XRN1: variants seen among roughly 807,000 people sequenced by gnomAD.
The protein encoded by XRN1 is strand-exchange protein 1 homolog.
Under a neutral mutation model 222.3 loss-of-function variants are expected in XRN1, and 67 were observed. That is an observed-to-expected ratio of 0.30 (90% CI 0.25 to 0.37). XRN1 has a LOEUF of 0.37. Among genes scored for constraint, XRN1 ranks in the 10% least tolerant of loss-of-function variants. The pLI is 1.00. For missense variants in XRN1, 1,707 were observed against 2,000.2 expected, an observed-to-expected ratio of 0.85 and a Z score of 2.80; for synonymous variants, 643 against 652.4, an observed-to-expected ratio of 0.99 and a Z score of 0.22.
At chr3:142,371,373 A>C in intron 25 of XRN1, 45 bp from the exon 26 acceptor site, 2 of 1,409,938 alleles carry the variant, frequency 1.4e-6, no homozygotes, top group Non-Finnish European at 9.8e-7. Flanking sequence ...TATATGGTTA[A>C]TTTCGGATAA....
At chr3:142,372,128 G>A (rs759857478) in intron 25 of XRN1, among the ~76,000 whole-genome samples, 3 of 152,096 alleles carry the variant, frequency 2.0e-5, no homozygotes, top group Non-Finnish European at 2.9e-5. Flanking sequence ...ACTGTCATGT[G>A]GTTGCCTGCC....
rs1261197174 is a variant in XRN1 at position 142,370,552 on chromosome 3, G to T, written c.3137C>A (p.Ser1046Tyr). The part of the protein sequence containing the change: ...GHPVSTLSRS[S>Y]CDLQILDAAI... ...TGCATCCAGAATTTGTAAATCACAAGAAGAACGAGATAAAGTACTGACAGG... is the reference window on the plus strand; with the variant it reads ...TGCATCCAGAATTTGTAAATCACAATAAGAACGAGATAAAGTACTGACAGG... The change falls in exon 27 of 41, where the codon TCT (serine) becomes TAT (tyrosine). Residue 1046 changes from serine (S) to tyrosine (Y), a missense_variant. By Grantham distance (144) the Ser-to-Tyr change is moderately radical. Coordinates refer to ENST00000392981, the MANE Select transcript of XRN1 (RefSeq NM_001282857.2). The T allele has an allele frequency of 1.9e-6, 3 of 1,607,428 alleles. No individual in the cohort carries two copies. Among genetic ancestry groups the T allele is most frequent in the Non-Finnish European group, 2.5e-6 (3 of 1,177,640 alleles).
chr3:142,370,839 T>G (rs1250885722), intron 26 of XRN1, among the ~76,000 whole-genome samples: 3 of 152,072 alleles, frequency 2.0e-5, no homozygotes, highest in Non-Finnish European at 4.4e-5. Context: ...AAAGAAAATT[T>G]GTTAAGCTCT....
chr3:142,365,148 T>C lies in XRN1; in HGVS notation c.3293A>G (p.Asp1098Gly). 1 of 1,613,186 alleles carries C rather than the reference T, an allele frequency of 6.2e-7. No individual in the cohort carries two copies. Among genetic ancestry groups the C allele is most frequent in the South Asian group, 1.1e-5 (1 of 90,966 alleles). The change falls in exon 29 of 41, where the codon GAT (aspartate) becomes GGT (glycine). Residue 1098 changes from aspartate to glycine, a missense_variant. Around this residue, in one of 2 missense-constraint regions of XRN1, gnomAD observed 1,234 missense variants for 1,518.2 expected, o/e 0.81. Transcript: ENST00000392981. ...PLEQQHGVIP[D>G]RDAEFCLFDR... is the part of the protein sequence containing the mutation. ...AAAAAGACAAAATTCTGCATCCCGA[T>C]CAGGAATGACTCCATGTTGCTGTTC...
intron 30 of XRN1, 50 bp from the exon 31 acceptor site, chr3:142,357,169 G>A: frequency 6.6e-7 from 1 of 1,517,256 alleles, no homozygotes; most frequent in Non-Finnish European, 9.0e-7. Flanking sequence ...TACTAAATGT[G>A]TTAGGGAGAA....
At chr3:142,347,364 A>C (rs2107803728) in intron 32 of XRN1, 22 bp from the exon 33 acceptor site, 1 of 1,424,338 alleles carries the variant, frequency 7.0e-7, no homozygotes, top group Middle Eastern at 2.1e-4. Flanking sequence ...AATTCTTATA[A>C]ATTAAACAAA....
At chr3:142,384,285 GAA>G (rs553677349) in intron 21 of XRN1, among the ~76,000 whole-genome samples, 1 of 128,204 alleles carries the variant, frequency 7.8e-6, no homozygotes, top group African/African-American at 2.8e-5. Flanking sequence ...AAAAAAAAAA[GAA>G]AAAAAAAAAA....
chr3:142,407,352 A>G (rs752611333), intron 15 of XRN1, among the ~76,000 whole-genome samples: 14 of 152,144 alleles, frequency 9.2e-5, no homozygotes, highest in African/African-American at 1.2e-4. Flanking sequence ...TATTTATTTG[A>G]TGGAGTATCA....
chr3:142,326,732 T>C (rs1477568881), intron 37 of XRN1, among the ~76,000 whole-genome samples: 2 of 152,180 alleles, frequency 1.3e-5, no homozygotes. Flanking sequence ...TATTTCATTT[T>C]TCCCCCATTC....
chr3:142,429,140 T>C (rs986159315), intron 2 of XRN1, among the ~76,000 whole-genome samples: 6 of 148,372 alleles, frequency 4.0e-5, no homozygotes, highest in East Asian at 2.0e-4. Context: ...GATTTAGCCA[T>C]AATCTTTTTT....
At chr3:142,365,220 T>A (rs1286525390) in intron 28 of XRN1, 41 bp from the exon 29 acceptor site, 1 of 1,582,946 alleles carries the variant, frequency 6.3e-7, no homozygotes, top group Admixed American at 1.9e-5. Flanking sequence ...AACAAAAAAA[T>A]TTTCATACTA....
intron 4 of XRN1, 36 bp from the exon 5 acceptor site, chr3:142,425,368 G>T (rs2069201299): frequency 1.9e-6 from 3 of 1,585,288 alleles, no homozygotes; most frequent in South Asian, 2.3e-5. Context: ...CAGTAATATG[G>T]TATATGCTTG....
chr3:142,417,041 C>T, intron 13 of XRN1, 99 bp downstream of exon 13: 2 of 708,568 alleles, frequency 2.8e-6, no homozygotes, highest in South Asian at 2.6e-5. Context: ...AAAAAAATTA[C>T]CATAAGTAGA....
At chr3:142,312,840 CT>C in intron 39 of XRN1, 82 bp from the exon 40 acceptor site, 1 of 1,410,514 alleles carries the variant, frequency 7.1e-7, no homozygotes, top group Non-Finnish European at 9.6e-7. Context: ...TTCTGCTAGC[CT>C]TTTTGGGCTT....
At chr3:142,371,770 T>G (rs904249269) in intron 25 of XRN1, among the ~76,000 whole-genome samples, 2 of 152,184 alleles carry the variant, frequency 1.3e-5, no homozygotes, top group African/African-American at 4.8e-5. Flanking sequence ...TATAGCAAAC[T>G]GAACGTATAT....
chr3:142,321,168 G>T (rs2065344024), intron 37 of XRN1, among the ~76,000 whole-genome samples: 1 of 133,430 alleles, frequency 7.5e-6, no homozygotes, highest in Non-Finnish European at 1.5e-5. Context: ...TGCCCAGGCT[G>T]GAATGCAGTA....
intron 15 of XRN1, among the ~76,000 whole-genome samples, chr3:142,411,505 CT>C (rs1486303145): frequency 3.9e-5 from 6 of 152,160 alleles, no homozygotes; most frequent in African/African-American, 1.2e-4. Flanking sequence ...TCGTATCATA[CT>C]GACCATGGAT....
At chr3:142,414,055 G>A (rs1027684499) in intron 14 of XRN1, 80 bp downstream of exon 14, 2 of 1,322,056 alleles carry the variant, frequency 1.5e-6, no homozygotes, top group Admixed American at 5.4e-5. Flanking sequence ...AAATAAATTT[G>A]AGTATTATTG....
chr3:142,413,126 C>G (rs1018879925), intron 14 of XRN1, among the ~76,000 whole-genome samples: 6 of 151,970 alleles, frequency 3.9e-5, no homozygotes, highest in Non-Finnish European at 8.8e-5. Context: ...ATAAAAATAT[C>G]CTAAAATCCA....
Sources: allele counts gnomAD v4.1 joint callset (sites outside exome capture counted in the v4.1 genomes callset), GRCh38; gene constraint gnomAD v4.1.1; regional missense constraint gnomAD v4.1.1; transcripts MANE v1.5; gene names NCBI Gene and HGNC (gene_info 2026-07-23, HGNC 2026-07-21).